Variants in EML4 observed in about 807,000 individuals in gnomAD.
EML4 encodes echinoderm microtubule-associated protein-like 4.
A neutral mutation model predicts 129.0 loss-of-function variants in EML4; 72 were observed. That is an observed-to-expected ratio of 0.56 (90% confidence interval 0.46 to 0.68). The LOEUF is 0.68. EML4 is among the 30% of genes least tolerant of loss of function. The probability of loss-of-function intolerance (pLI) is 0.00; values close to 1 mark genes in which losing one functional copy is unlikely to be tolerated. For synonymous variants in EML4, 532 were observed against 405.0 expected (o/e 1.31, Z -3.77); for missense variants, 1,363 against 1,190.6 (o/e 1.14, Z -2.13).
At chr2:42,275,985 T>C (rs1374189319) in intron 6 of EML4, among the ~76,000 whole-genome samples, 1 of 152,134 alleles carries the variant, frequency 6.6e-6, no homozygotes, top group Non-Finnish European at 1.5e-5. Flanking sequence ...AGGTAGAAAG[T>C]AGCATTGGGA....
chr2:42,231,130 C>G (rs1394818532), intron 1 of EML4, among the ~76,000 whole-genome samples: 2 of 152,244 alleles, frequency 1.3e-5, no homozygotes, highest in Non-Finnish European at 2.9e-5. Flanking sequence ...GCTTCTGTTC[C>G]CATGACTCCA....
chr2:42,181,675 A>T (rs1670953701), intron 1 of EML4, among the ~76,000 whole-genome samples: 3 of 152,144 alleles, frequency 2.0e-5, no homozygotes, highest in Non-Finnish European at 4.4e-5. Context: ...TGGCAAGTAG[A>T]TACCCCTCTA....
At chr2:42,261,046 A>G in intron 3 of EML4, 75 bp from the exon 4 acceptor site, 1 of 1,123,742 alleles carries the variant, frequency 8.9e-7, no homozygotes, top group South Asian at 1.6e-5. Context: ...ATTATATAAT[A>G]ATCACTTTTC....
chr2:42,234,582 G>A (rs1674542057), intron 1 of EML4, among the ~76,000 whole-genome samples: 1 of 152,152 alleles, frequency 6.6e-6, no homozygotes, highest in Non-Finnish European at 1.5e-5. Context: ...CCTTCTCCCT[G>A]TAAATATATG....
intron 17 of EML4, among the ~76,000 whole-genome samples, chr2:42,312,946 C>CTT (rs753939714): frequency 1.9e-4 from 22 of 114,300 alleles, no homozygotes; most frequent in Non-Finnish European, 2.3e-4. Context: ...CAATGTATAT[C>CTT]TTTTTTTTTT....
chr2:42,265,043 C>A, intron 6 of EML4: 1 of 1,232,386 alleles, frequency 8.1e-7, no homozygotes, highest in Non-Finnish European at 1.1e-6. Flanking sequence ...GCCTGACTTT[C>A]TTCCTTAAAA....
chr2:42,203,589 T>G (rs542087051), intron 1 of EML4, among the ~76,000 whole-genome samples: 22 of 151,910 alleles, frequency 1.4e-4, no homozygotes, highest in Non-Finnish European at 2.6e-4. Flanking sequence ...AATCACAGAT[T>G]AATACTAACA....
chr2:42,212,668 A>T (rs1672953754), intron 1 of EML4, among the ~76,000 whole-genome samples: 1 of 152,234 alleles, frequency 6.6e-6, no homozygotes, highest in African/African-American at 2.4e-5. Context: ...CACTTACTGT[A>T]TGTCCACATT....
At position 42,330,002 on chromosome 2, in the gene EML4, G is replaced by A. The variant is rs1279438345; in HGVS notation, c.2741G>A (p.Ser914Asn). ...QPLNETAEEE[S>N]RISSSPTLLE... is the part of the protein sequence containing the mutation. The stretch of plus-strand genomic sequence containing the variant: ...TTAAATGAGACAGCTGAAGAGGAAA[G>A]TAGAATAAGCAGTTCTCCCACACTT... The change falls in exon 23 of 23, where the codon AGT becomes AAT. Residue 914 changes from serine to asparagine, a missense_variant. Transcript: ENST00000318522. The A allele has an allele frequency of 6.2e-7, 1 of 1,613,874 alleles. No individual in the cohort carries two copies. The highest frequency in any genetic ancestry group is 8.5e-7 in the Non-Finnish European group (1 of 1,180,008).
In EML4 at chr2:42,271,379, G is replaced by C. The variant is rs181111232; in HGVS notation, c.667+6648G>C. On this transcript the variant is annotated intron_variant, in intron 6 of 22. Coordinates refer to ENST00000318522, the MANE Select transcript of EML4 (RefSeq NM_019063.5). ...TCTCGCCATCTGTATTTTAAAAGGA[G>C]ACCCAAAAAAGGGGACCTTTCCTCT... 1.4e-4 allele frequency among the ~76,000 whole-genome samples: 22 copies of C among 151,818 alleles called. No individual in the cohort carries two copies. The East Asian group carries it at 4.3e-3, about 30-fold the overall frequency.
At chr2:42,196,839 A>G (rs1453538515) in intron 1 of EML4, among the ~76,000 whole-genome samples, 1 of 152,134 alleles carries the variant, frequency 6.6e-6, no homozygotes, top group African/African-American at 2.4e-5. Context: ...GTAATACCTA[A>G]TACAGTAACC....
chr2:42,234,073 G>T (rs116301557), intron 1 of EML4, among the ~76,000 whole-genome samples: 1 of 152,234 alleles, frequency 6.6e-6, no homozygotes, highest in Admixed American at 6.5e-5. Flanking sequence ...CCTCAAAGCA[G>T]CCCAGGTTTT....
At chr2:42,283,134 T>C (rs1265803193) in intron 8 of EML4, among the ~76,000 whole-genome samples, 162 bp downstream of exon 8, 5 of 152,224 alleles carry the variant, frequency 3.3e-5, no homozygotes, top group Admixed American at 6.5e-5. Flanking sequence ...AAAAGGACTT[T>C]CGGCCTCCAA....
intron 1 of EML4, among the ~76,000 whole-genome samples, chr2:42,201,111 G>A (rs1672206151): frequency 6.6e-6 from 1 of 152,146 alleles, no homozygotes; most frequent in African/African-American, 2.4e-5. Context: ...TGAAGATTTT[G>A]TCAACTGTGC....
rs1456655831 is a variant in EML4, at chr2:42,316,051, G to A, written c.2056+1G>A. ...CTCTCTGTGATGCGCTACTCAATAGGTAGGCAAATTTACTCCCACCTCCCA... is the reference window on the plus strand; with the variant it reads ...CTCTCTGTGATGCGCTACTCAATAGATAGGCAAATTTACTCCCACCTCCCA... On this transcript the variant is annotated splice_donor_variant, in intron 18 of 22. Transcript: ENST00000318522. LOFTEE classifies it high-confidence loss of function. 2 of 1,609,294 alleles carry A rather than the reference G, an allele frequency of 1.2e-6. No individual in the cohort carries two copies. The highest frequency in any genetic ancestry group is 1.3e-5 in the African/African-American group (1 of 74,920).
intron 7 of EML4, among the ~76,000 whole-genome samples, chr2:42,282,456 A>G (rs1667066316): frequency 1.3e-5 from 2 of 152,056 alleles, no homozygotes; most frequent in African/African-American, 2.4e-5. Flanking sequence ...TGGCACGATC[A>G]CTGCTCACTG....
intron 11 of EML4, chr2:42,289,090 T>G (rs1467963353): frequency 1.3e-5 from 2 of 152,236 alleles, no homozygotes; most frequent in African/African-American, 4.8e-5. Flanking sequence ...GATGTGATGT[T>G]TAACTTAACA....
chr2:42,295,449 C>G lies in EML4; in HGVS notation c.1422C>G (p.Asp474Glu), dbSNP rs1258866931. 6.2e-7 allele frequency: 1 copy of G among 1,613,888 alleles called. No individual in the cohort carries two copies. The highest frequency in any genetic ancestry group is 1.3e-5 in the African/African-American group (1 of 75,022). ...GGAATGGAGATGTTCTTACTGGAGACTCAGGTGGAGTCATGCTTATATGGA... is the reference window on the plus strand; with the variant it reads ...GGAATGGAGATGTTCTTACTGGAGAGTCAGGTGGAGTCATGCTTATATGGA... Reference protein sequence around the residue: ...FLGNGDVLTGDSGGVMLIWSK... With the variant: ...FLGNGDVLTGESGGVMLIWSK... Residue 474 changes from aspartate to glutamate, a missense_variant, in exon 13 of 23, where the codon GAC (aspartate) becomes GAG (glutamate). By Grantham distance (45) the Asp-to-Glu change is conservative. Coordinates refer to ENST00000318522, the MANE Select transcript of EML4 (RefSeq NM_019063.5).
At chr2:42,246,396 C>G (rs1325228491) in intron 2 of EML4, among the ~76,000 whole-genome samples, 1 of 152,058 alleles carries the variant, frequency 6.6e-6, no homozygotes, top group African/African-American at 2.4e-5. Context: ...GTGATTATGC[C>G]CATTTTGGCA....
Sources: allele counts gnomAD v4.1 joint callset (sites outside exome capture counted in the v4.1 genomes callset), GRCh38; gene constraint gnomAD v4.1.1; transcripts MANE v1.5; gene names NCBI Gene and HGNC (gene_info 2026-07-23, HGNC 2026-07-21).